The following PTPRM variants were observed in gnomAD, a reference collection of about 807,000 sequenced individuals.
The protein encoded by PTPRM is receptor-type tyrosine-protein phosphatase mu.
In PTPRM, 47 loss-of-function variants were observed where a neutral mutation model predicts 186.7. The observed-to-expected ratio is 0.25, with a 90% CI of 0.20 to 0.32. The LOEUF (loss-of-function observed/expected upper bound fraction) is 0.32. Among genes scored for constraint, PTPRM ranks in the 10% least tolerant of loss-of-function variants. PTPRM has a pLI of 1.00. For synonymous variants in PTPRM, 668 were observed against 674.9 expected, an observed-to-expected ratio of 0.99 and a Z score of 0.16; for missense variants, 1,494 against 1,865.0, an observed-to-expected ratio of 0.80 and a Z score of 3.66.
intron 22 of PTPRM, among the ~76,000 whole-genome samples, chr18:8,342,064 A>G (rs2095478165): frequency 6.6e-6 from 1 of 152,136 alleles, no homozygotes; most frequent in Admixed American, 6.5e-5. Context: ...GCGGCAAGGG[A>G]GAAATGATAG....
chr18:7,977,523 C>A (rs1282697934), intron 7 of PTPRM, among the ~76,000 whole-genome samples: 3 of 152,128 alleles, frequency 2.0e-5, no homozygotes, highest in Non-Finnish European at 4.4e-5. Context: ...TAGTGTCTCT[C>A]TCTGGAGCAC....
At chr18:8,138,024 G>T (rs1450139969) in intron 13 of PTPRM, among the ~76,000 whole-genome samples, 1 of 152,118 alleles carries the variant, frequency 6.6e-6, no homozygotes, top group African/African-American at 2.4e-5. Flanking sequence ...CTGCTAATTC[G>T]GAGGCTGTGG....
At chr18:7,843,532 A>G (rs1310763690) in intron 2 of PTPRM, among the ~76,000 whole-genome samples, 1 of 152,126 alleles carries the variant, frequency 6.6e-6, no homozygotes, top group East Asian at 1.9e-4. Flanking sequence ...CTACTAATAT[A>G]TTATCATTGT....
intron 4 of PTPRM, among the ~76,000 whole-genome samples, chr18:7,909,406 C>A (rs368230277): frequency 6.6e-6 from 1 of 152,188 alleles, no homozygotes. Flanking sequence ...TATGGTACAA[C>A]AGCATTGTGA....
intron 4 of PTPRM, among the ~76,000 whole-genome samples, chr18:7,924,228 G>C (rs2051039369): frequency 6.6e-6 from 1 of 152,170 alleles, no homozygotes; most frequent in Non-Finnish European, 1.5e-5. Context: ...CAGTGGTGGT[G>C]ATTAATCTTT....
At chr18:8,154,182 A>G (rs1186088975) in intron 14 of PTPRM, among the ~76,000 whole-genome samples, 1 of 152,198 alleles carries the variant, frequency 6.6e-6, no homozygotes, top group African/African-American at 2.4e-5. Flanking sequence ...ATTAAAAGGG[A>G]AGCCGTAGGG....
At chr18:8,312,420 G>C (rs1480352820) in intron 20 of PTPRM, among the ~76,000 whole-genome samples, 2 of 152,140 alleles carry the variant, frequency 1.3e-5, no homozygotes, top group Non-Finnish European at 2.9e-5. Flanking sequence ...GACTGCCGGT[G>C]AGTCTGTTCC....
chr18:8,153,667 G>A (rs1307209879), intron 14 of PTPRM, among the ~76,000 whole-genome samples: 1 of 152,120 alleles, frequency 6.6e-6, no homozygotes, highest in Non-Finnish European at 1.5e-5. Flanking sequence ...TTCTTAAAAC[G>A]TCTAATTGTC....
intron 14 of PTPRM, among the ~76,000 whole-genome samples, chr18:8,239,783 C>G (rs998381010): frequency 6.6e-6 from 1 of 152,162 alleles, no homozygotes; most frequent in Non-Finnish European, 1.5e-5. Context: ...GTTATGACTT[C>G]CAAACTCCTT....
chr18:7,962,414 C>A (rs970065144), intron 7 of PTPRM, among the ~76,000 whole-genome samples: 7 of 151,852 alleles, frequency 4.6e-5, no homozygotes, highest in East Asian at 3.9e-4. Context: ...TATCTTATAC[C>A]CTGAGAATAT....
chr18:7,618,179 T>C (rs1232256485), intron 1 of PTPRM, among the ~76,000 whole-genome samples: 1 of 152,212 alleles, frequency 6.6e-6, no homozygotes, highest in Non-Finnish European at 1.5e-5. Flanking sequence ...AAAAAACTTT[T>C]CTGGAAGTGG....
chr18:8,330,186 C>T (rs1173998578), intron 22 of PTPRM, among the ~76,000 whole-genome samples: 1 of 152,190 alleles, frequency 6.6e-6, no homozygotes, highest in East Asian at 1.9e-4. Flanking sequence ...AGCCCTAGAA[C>T]CACTTTTCCA....
chr18:8,289,357 A>G (rs1304013924), intron 19 of PTPRM, among the ~76,000 whole-genome samples: 1 of 149,946 alleles, frequency 6.7e-6, no homozygotes, highest in Non-Finnish European at 1.5e-5. Context: ...TCAGTCAGAC[A>G]TCATGGGGAC....
rs368743606 is a variant in PTPRM, at chr18:8,186,683, T to C, written c.2300+42904T>C. 4.6e-5 allele frequency among the ~76,000 whole-genome samples: 7 copies of C among 152,330 alleles called. No homozygotes were observed. In the East Asian group the frequency reaches 1.2e-3, roughly 25 times the overall value. ...CAAGGCTGAGAGACTCCACCATGTCTGTCCAGCCACTGTGTTGCACTCATG... is the reference window on the plus strand; with the variant it reads ...CAAGGCTGAGAGACTCCACCATGTCCGTCCAGCCACTGTGTTGCACTCATG... On this transcript the variant is annotated intron_variant, in intron 14 of 32. Coordinates refer to ENST00000580170, the MANE Select transcript of PTPRM (RefSeq NM_001105244.2).
intron 2 of PTPRM, among the ~76,000 whole-genome samples, chr18:7,810,827 T>C (rs1379855617): frequency 6.6e-6 from 1 of 152,258 alleles, no homozygotes; most frequent in Non-Finnish European, 1.5e-5. Flanking sequence ...ATTTTTTCTA[T>C]TGAAACATAC....
chr18:8,100,291 A>G (rs2091233829), intron 11 of PTPRM, among the ~76,000 whole-genome samples: 1 of 152,054 alleles, frequency 6.6e-6, no homozygotes, highest in African/African-American at 2.4e-5. Flanking sequence ...ATAGGCGCCT[A>G]CCACCATGCC....
At chr18:8,119,926 A>G (rs957138376) in intron 13 of PTPRM, among the ~76,000 whole-genome samples, 3 of 152,062 alleles carry the variant, frequency 2.0e-5, no homozygotes, top group African/African-American at 7.2e-5. Context: ...TAAATCCTTT[A>G]TCTTTTTTCA....
intron 1 of PTPRM, among the ~76,000 whole-genome samples, chr18:7,762,821 TAAAG>T (rs987544219): frequency 3.9e-5 from 6 of 152,202 alleles, no homozygotes; most frequent in South Asian, 2.1e-4. Context: ...ATAGGCAAGA[TAAAG>T]AAAGAAATGT....
intron 1 of PTPRM, among the ~76,000 whole-genome samples, chr18:7,586,268 T>G (rs1567968699): frequency 6.6e-6 from 1 of 152,156 alleles, no homozygotes; most frequent in African/African-American, 2.4e-5. Context: ...TTTTGTATGC[T>G]TCTCTGTTGG....
Sources: allele counts gnomAD v4.1 joint callset (sites outside exome capture counted in the v4.1 genomes callset), GRCh38; gene constraint gnomAD v4.1.1; transcripts MANE v1.5; gene names NCBI Gene and HGNC (gene_info 2026-07-23, HGNC 2026-07-21).